NDST4: variants seen among roughly 807,000 people sequenced by gnomAD.
NDST4 encodes the protein N-deacetylase and N-sulfotransferase 4.
A neutral mutation model predicts 100.8 loss-of-function variants in NDST4; 63 were observed. That is an observed-to-expected ratio of 0.62 (90% confidence interval 0.51 to 0.77). NDST4 has a LOEUF of 0.77. Among genes scored for constraint, NDST4 ranks in the 30% least tolerant of loss-of-function variants. The pLI, the probability that NDST4 is intolerant of heterozygous loss-of-function variation, is 0.00. For synonymous variants in NDST4, 377 were observed against 361.8 expected (o/e 1.04, Z -0.48); for missense variants, 943 against 1,018.4 (o/e 0.93, Z 1.01).
chr4:114,867,665 C>CAAAAAAAAAAAAAAAAAAAA, intron 7 of NDST4, among the ~76,000 whole-genome samples: 39 of 79,876 alleles, frequency 4.9e-4, no homozygotes, highest in Middle Eastern at 0.013. Flanking sequence ...AAAAAAAAAG[C>CAAAAAAAAAAAAAAAAAAAA]AAAAAAAAAA....
At chr4:114,939,684 C>CA (rs11405644) in intron 4 of NDST4, among the ~76,000 whole-genome samples, 134,862 of 148,480 alleles carry the variant, frequency 0.91, 61,283 homozygotes, top group East Asian at 0.99. Flanking sequence ...GTAGAACTTT[C>CA]AAAAAAAAAA....
intron 2 of NDST4, among the ~76,000 whole-genome samples, chr4:115,051,375 T>C (rs909609338): frequency 4.6e-5 from 7 of 152,090 alleles, no homozygotes; most frequent in Admixed American, 2.6e-4. Context: ...TAAGTAGTAA[T>C]AACCACATTT....
chr4:114,849,163 CTG>C (rs374012557), intron 8 of NDST4, among the ~76,000 whole-genome samples: 46 of 152,334 alleles, frequency 3.0e-4, no homozygotes, highest in African/African-American at 1.1e-3. Flanking sequence ...TAGAAACCAC[CTG>C]TGTGCACATT....
chr4:114,857,453 A>G (rs1339305013), intron 7 of NDST4, among the ~76,000 whole-genome samples: 1 of 152,214 alleles, frequency 6.6e-6, no homozygotes, highest in Non-Finnish European at 1.5e-5. Flanking sequence ...TAAGTGGCCC[A>G]TGATTCTAAG....
Position 115,025,529 on chromosome 4 carries a change from T to G in NDST4, c.979-48255A>C, listed in dbSNP as rs550632360. ...GAGAGTTCCTGATAGAATTTAACCT[T>G]AAAGGAAAATTTAAATTTATTAGTA... On this transcript the variant is annotated intron_variant, in intron 2 of 13. Transcript: ENST00000264363. 1.3e-4 allele frequency among the ~76,000 whole-genome samples: 20 copies of G among 152,250 alleles called. No individual in the cohort carries two copies. The East Asian group carries it at 1.7e-3, about 13-fold the overall frequency.
intron 2 of NDST4, among the ~76,000 whole-genome samples, chr4:115,042,126 T>C (rs1728363914): frequency 6.6e-6 from 1 of 152,148 alleles, no homozygotes; most frequent in Non-Finnish European, 1.5e-5. Flanking sequence ...ATGGAAAATT[T>C]CTGAAATAAA....
intron 2 of NDST4, among the ~76,000 whole-genome samples, chr4:114,978,872 A>G (rs562956075): frequency 3.9e-5 from 6 of 152,170 alleles, no homozygotes; most frequent in Admixed American, 1.3e-4. Context: ...TATCTGTGAA[A>G]TGGGGTACTT....
chr4:114,836,362 C>T (rs1204781727), intron 11 of NDST4, among the ~76,000 whole-genome samples: 10 of 152,134 alleles, frequency 6.6e-5, no homozygotes, highest in East Asian at 3.8e-4. Flanking sequence ...ATTTCTCTTT[C>T]GCTTATGAAG....
intron 6 of NDST4, among the ~76,000 whole-genome samples, chr4:114,929,097 C>CATCGATCCATCT (rs1283647279): frequency 1.6e-5 from 2 of 126,426 alleles, no homozygotes; most frequent in African/African-American, 6.1e-5. Context: ...TCCATCCATC[C>CATCGATCCATCT]ATCCATCCAT....
intron 1 of NDST4, among the ~76,000 whole-genome samples, chr4:115,105,890 GC>G (rs1729823879): frequency 6.6e-6 from 1 of 152,010 alleles, no homozygotes; most frequent in African/African-American, 2.4e-5. Flanking sequence ...CTCCCTTTTA[GC>G]TTTTTTCCTT....
chr4:115,110,764 C>T (rs1418551511), intron 1 of NDST4, among the ~76,000 whole-genome samples: 1 of 151,736 alleles, frequency 6.6e-6, no homozygotes, highest in African/African-American at 2.4e-5. Flanking sequence ...AAAGAAGAAA[C>T]CTTTGTTAGT....
intron 11 of NDST4, among the ~76,000 whole-genome samples, chr4:114,838,532 G>A (rs554893685): frequency 3.9e-5 from 6 of 152,232 alleles, no homozygotes; most frequent in Admixed American, 6.5e-5. Flanking sequence ...CATGGATGAA[G>A]CTGGAAACCA....
intron 1 of NDST4, among the ~76,000 whole-genome samples, chr4:115,079,411 T>C (rs1008217550): frequency 1.3e-5 from 2 of 151,368 alleles, no homozygotes; most frequent in Non-Finnish European, 2.9e-5. Flanking sequence ...CGAATGGACA[T>C]AATTTTCCAT....
intron 8 of NDST4, among the ~76,000 whole-genome samples, chr4:114,850,018 C>T (rs1456911724): frequency 6.6e-6 from 1 of 151,970 alleles, no homozygotes; most frequent in African/African-American, 2.4e-5. Flanking sequence ...AGAGTAGAAA[C>T]TGGAAGGAAA....
chr4:115,107,136 GCCAGACAGT>G (rs1729849060), intron 1 of NDST4, among the ~76,000 whole-genome samples: 1 of 152,012 alleles, frequency 6.6e-6, no homozygotes, highest in South Asian at 2.1e-4. Context: ...CACCCTGGGT[GCCAGACAGT>G]GCAAGAGCCT....
chr4:114,973,489 T>C (rs1035788635), intron 3 of NDST4, among the ~76,000 whole-genome samples: 7 of 151,948 alleles, frequency 4.6e-5, no homozygotes, highest in African/African-American at 1.7e-4. Context: ...TAGATCCTGG[T>C]CTAGATAATT....
chr4:115,065,177 C>G (rs779915172), intron 2 of NDST4, among the ~76,000 whole-genome samples: 6 of 152,058 alleles, frequency 3.9e-5, no homozygotes, highest in Non-Finnish European at 5.9e-5. Flanking sequence ...CTGTTTACCA[C>G]CAAGATGGGC....
chr4:114,904,570 T>C (rs903442825), intron 6 of NDST4, among the ~76,000 whole-genome samples: 90 of 152,062 alleles, frequency 5.9e-4, no homozygotes, highest in African/African-American at 2.1e-3. Context: ...AACTTATTTT[T>C]GACAATGTTT....
intron 2 of NDST4, among the ~76,000 whole-genome samples, chr4:115,054,758 A>G (rs904570405): frequency 4.6e-5 from 7 of 152,130 alleles, no homozygotes; most frequent in African/African-American, 1.7e-4. Context: ...ACAGATCAAG[A>G]ATTTCCTTAT....
Sources: gnomAD v4.1 joint callset for allele counts (sites outside exome capture counted in the v4.1 genomes callset) on GRCh38, gnomAD v4.1.1 for gene constraint, MANE v1.5 for transcripts, NCBI Gene and HGNC (gene_info 2026-07-23, HGNC 2026-07-21) for gene names.